Variants in DEPTOR observed in about 807,000 individuals in gnomAD.
DEPTOR encodes the protein DEP domain-containing mTOR-interacting protein.
DEPTOR carries 41 observed loss-of-function variants against 41.6 expected under a neutral mutation model. The ratio of observed to expected loss-of-function variants is 0.98; its 90% CI spans 0.77 to 1.28. The LOEUF is 1.28. Among genes scored for constraint, DEPTOR ranks in the 50% most tolerant of loss-of-function variants. The pLI, the probability that DEPTOR is intolerant of heterozygous loss-of-function variation, is 0.00. For synonymous variants in DEPTOR, 195 were observed against 192.3 expected (o/e 1.01, Z -0.12); for missense variants, 514 against 527.9 (o/e 0.97, Z 0.26).
chr8:120,040,981 T>C (rs778094621), intron 8 of DEPTOR, among the ~76,000 whole-genome samples: 43 of 152,238 alleles, frequency 2.8e-4, no homozygotes, highest in Non-Finnish European at 5.7e-4. Flanking sequence ...TCCACATCTA[T>C]TTGTGTGTAT....
At chr8:119,902,871 A>G (rs1298346562) in intron 1 of DEPTOR, among the ~76,000 whole-genome samples, 2 of 152,174 alleles carry the variant, frequency 1.3e-5, no homozygotes, top group South Asian at 4.1e-4. Flanking sequence ...TGGAGAGAAC[A>G]TCTTGAGGGT....
chr8:119,946,156 A>G (rs1272279728), intron 3 of DEPTOR, among the ~76,000 whole-genome samples: 1 of 152,196 alleles, frequency 6.6e-6, no homozygotes, highest in East Asian at 1.9e-4. Flanking sequence ...AGGGAAAACA[A>G]AGGCATTGTT....
chr8:119,990,830 T>C (rs1482645983), intron 4 of DEPTOR, among the ~76,000 whole-genome samples: 1 of 152,190 alleles, frequency 6.6e-6, no homozygotes, highest in Non-Finnish European at 1.5e-5. Flanking sequence ...TCACTGTTGT[T>C]ATTGCCTTTT....
intron 1 of DEPTOR, among the ~76,000 whole-genome samples, chr8:119,875,467 G>A (rs567945277): frequency 9.9e-5 from 15 of 152,284 alleles, no homozygotes; most frequent in African/African-American, 3.4e-4. Context: ...GGAGCAGGAG[G>A]GTGTCTTGCT....
In DEPTOR at chr8:119,974,210, G is replaced by A. The variant is rs1028630039; in HGVS notation, c.604+8800G>A. ...GGACAGGAGTTCGGGACCAGCCTGG[G>A]AAACATAGTGAGATCTTGTCTCTTT... is the stretch of plus-strand genomic sequence containing the variant. On this transcript the variant is annotated intron_variant, in intron 4 of 8. Coordinates refer to ENST00000286234, the MANE Select transcript of DEPTOR (RefSeq NM_022783.4). 3.7e-5 allele frequency among the ~76,000 whole-genome samples: 5 copies of A among 135,728 alleles called. No individual in the cohort carries two copies. The South Asian group carries it at 7.1e-4, about 19-fold the overall frequency. The allele number at this position is 135,728 out of a possible 152,430, so 89.0% of individuals were successfully genotyped here.
intron 3 of DEPTOR, among the ~76,000 whole-genome samples, chr8:119,952,537 T>C (rs1828367444): frequency 6.6e-6 from 1 of 151,970 alleles, no homozygotes; most frequent in South Asian, 2.1e-4. Flanking sequence ...GCCATGGTGG[T>C]TTGCTGGCAC....
At chr8:119,998,067 G>A (rs1385846259) in intron 4 of DEPTOR, among the ~76,000 whole-genome samples, 3 of 152,222 alleles carry the variant, frequency 2.0e-5, no homozygotes, top group East Asian at 3.9e-4. Context: ...CTCAATACAT[G>A]GTAGTTGAAT....
At chr8:119,997,108 A>G (rs1357883318) in intron 4 of DEPTOR, among the ~76,000 whole-genome samples, 1 of 152,072 alleles carries the variant, frequency 6.6e-6, no homozygotes. Context: ...TGATTTTATT[A>G]TATTTTATAT....
intron 4 of DEPTOR, among the ~76,000 whole-genome samples, chr8:119,973,344 C>T (rs772568443): frequency 6.6e-6 from 1 of 152,112 alleles, no homozygotes; most frequent in Non-Finnish European, 1.5e-5. Flanking sequence ...AAGCAGTCCT[C>T]CCACCTCAGC....
intron 8 of DEPTOR, among the ~76,000 whole-genome samples, chr8:120,042,855 A>T (rs950914112): frequency 6.6e-6 from 1 of 151,312 alleles, no homozygotes; most frequent in East Asian, 1.9e-4. Flanking sequence ...TTTAAAATTT[A>T]TTTTATTTTA....
intron 1 of DEPTOR, among the ~76,000 whole-genome samples, chr8:119,918,245 G>A (rs1827839568): frequency 1.3e-5 from 2 of 152,084 alleles, no homozygotes; most frequent in African/African-American, 4.8e-5. Flanking sequence ...GTGTGGAGGG[G>A]CAACCCACCT....
In DEPTOR at chr8:119,883,473, TAAA is replaced by T. The variant is rs386413817; in HGVS notation, c.122+9526_122+9528del. Among the ~76,000 whole-genome samples, 452 of 112,086 alleles carry T rather than the reference TAAA, an allele frequency of 4.0e-3. 3 individuals are homozygous for T. The East Asian group carries it at 0.046, about 12-fold the overall frequency. 73.5% of individuals were successfully genotyped at this position (112,086 alleles called of 152,430 possible). A position where few individuals can be genotyped will look rare whatever the true frequency, so the allele number is the denominator to read the frequency against. On this transcript the variant is annotated intron_variant, in intron 1 of 8. Coordinates refer to ENST00000286234, the MANE Select transcript of DEPTOR (RefSeq NM_022783.4). ...CTGGGCGACAGAGCGAGACTCGTCT[TAAA>T]AAAAAAAAAAAAAAAAAAAAGAAGG...
intron 8 of DEPTOR, among the ~76,000 whole-genome samples, chr8:120,037,988 T>C (rs1196579079): frequency 6.6e-6 from 1 of 152,116 alleles, no homozygotes; most frequent in Non-Finnish European, 1.5e-5. Context: ...GAAATTCTGC[T>C]GGGCCCGGTG....
chr8:119,966,763 A>C (rs1828567856), intron 4 of DEPTOR, among the ~76,000 whole-genome samples: 1 of 152,130 alleles, frequency 6.6e-6, no homozygotes, highest in Non-Finnish European at 1.5e-5. Flanking sequence ...AGGCGTGAAC[A>C]ACCATGCCGG....
intron 8 of DEPTOR, among the ~76,000 whole-genome samples, chr8:120,041,075 C>T (rs1477646975): frequency 6.6e-6 from 1 of 152,060 alleles, no homozygotes; most frequent in East Asian, 1.9e-4. Context: ...AGCAGCCTTC[C>T]CCTTCAATCC....
chr8:119,915,470 C>A (rs1247446867), intron 1 of DEPTOR, among the ~76,000 whole-genome samples: 1 of 152,118 alleles, frequency 6.6e-6, no homozygotes, highest in African/African-American at 2.4e-5. Flanking sequence ...CTGTCACAAA[C>A]AGATTCTAGG....
chr8:119,952,261 A>T (rs909848000), intron 3 of DEPTOR, among the ~76,000 whole-genome samples: 1 of 152,202 alleles, frequency 6.6e-6, no homozygotes, highest in Non-Finnish European at 1.5e-5. Flanking sequence ...TTAGGGCTTA[A>T]TCTGTCCATT....
intron 1 of DEPTOR, among the ~76,000 whole-genome samples, chr8:119,916,839 C>G (rs1267145514): frequency 6.6e-6 from 1 of 152,214 alleles, no homozygotes; most frequent in Non-Finnish European, 1.5e-5. Context: ...GACTAGAGTC[C>G]TTTATCATTT....
At chr8:119,997,498 T>A (rs1181429409) in intron 4 of DEPTOR, among the ~76,000 whole-genome samples, 1 of 152,160 alleles carries the variant, frequency 6.6e-6, no homozygotes, top group African/African-American at 2.4e-5. Context: ...GGTCTCCCAA[T>A]GTGCTGGCAT....
Sources: gnomAD v4.1 joint callset for allele counts (sites outside exome capture counted in the v4.1 genomes callset) on GRCh38, gnomAD v4.1.1 for gene constraint, MANE v1.5 for transcripts, NCBI Gene and HGNC (gene_info 2026-07-23, HGNC 2026-07-21) for gene names.